MCU: variants seen among roughly 807,000 people sequenced by gnomAD.
MCU encodes the protein calcium uniporter protein, mitochondrial.
A neutral mutation model predicts 45.2 loss-of-function variants in MCU; 12 were observed. The observed-to-expected ratio is 0.27, with a 90% confidence interval of 0.17 to 0.43. The LOEUF is 0.43. Among genes scored for constraint, MCU ranks in the 20% least tolerant of loss-of-function variants. The probability of loss-of-function intolerance (pLI) is 1.00; values close to 1 mark genes in which losing one functional copy is unlikely to be tolerated. For synonymous variants in MCU, 160 were observed against 165.1 expected, an observed-to-expected ratio of 0.97 and a Z score of 0.24; for missense variants, 324 against 436.7, an observed-to-expected ratio of 0.74 and a Z score of 2.30.
intron 1 of MCU, among the ~76,000 whole-genome samples, chr10:72,701,826 C>G (rs1842762081): frequency 1.3e-5 from 2 of 152,032 alleles, no homozygotes; most frequent in Admixed American, 1.3e-4. Context: ...CCACCGTGCC[C>G]GGCCCCCACT....
At chr10:72,726,639 A>G (rs958423225) in intron 1 of MCU, among the ~76,000 whole-genome samples, 4 of 152,290 alleles carry the variant, frequency 2.6e-5, no homozygotes, top group African/African-American at 4.8e-5. Context: ...ATATTTAATG[A>G]TATAGGTTGA....
At chr10:72,749,092 A>G (rs1843457389) in intron 1 of MCU, among the ~76,000 whole-genome samples, 1 of 151,920 alleles carries the variant, frequency 6.6e-6, no homozygotes, top group Non-Finnish European at 1.5e-5. Flanking sequence ...ACATGGTGAA[A>G]TCTCATCTCT....
intron 1 of MCU, among the ~76,000 whole-genome samples, chr10:72,732,142 A>G (rs1843184857): frequency 6.6e-6 from 1 of 152,098 alleles, no homozygotes; most frequent in Non-Finnish European, 1.5e-5. Flanking sequence ...TAGCCGTCCT[A>G]CTGGATGTGA....
At chr10:72,813,572 C>A (rs1844579166) in intron 1 of MCU, among the ~76,000 whole-genome samples, 1 of 148,826 alleles carries the variant, frequency 6.7e-6, no homozygotes, top group East Asian at 2.0e-4. Flanking sequence ...GATTCTCCTG[C>A]CTCAGCCTCC....
At chr10:72,761,965 A>G (rs749691362) in intron 1 of MCU, among the ~76,000 whole-genome samples, 1 of 152,144 alleles carries the variant, frequency 6.6e-6, no homozygotes, top group African/African-American at 2.4e-5. Flanking sequence ...CAGTTCCAAG[A>G]TCTTTTAAGA....
At chr10:72,813,446 CTCTCT>C (rs1380505955) in intron 1 of MCU, among the ~76,000 whole-genome samples, 4 of 130,982 alleles carry the variant, frequency 3.1e-5, no homozygotes, top group African/African-American at 1.1e-4. Flanking sequence ...AATACCAGCT[CTCTCT>C]TTTTTTTTTT....
chr10:72,861,859 G>A (rs1845382189), intron 4 of MCU: 1 of 286,590 alleles, frequency 3.5e-6, no homozygotes, highest in Non-Finnish European at 6.8e-6. Context: ...AATGCATGAT[G>A]AACAAAATTT....
At chr10:72,877,616 C>T (rs1845636684) in intron 6 of MCU, among the ~76,000 whole-genome samples, 1 of 151,930 alleles carries the variant, frequency 6.6e-6, no homozygotes, top group Non-Finnish European at 1.5e-5. Context: ...AAACATAATA[C>T]ACATCTGTTT....
At chr10:72,858,303 G>A (rs1845324168) in intron 2 of MCU, among the ~76,000 whole-genome samples, 1 of 152,202 alleles carries the variant, frequency 6.6e-6, no homozygotes, top group African/African-American at 2.4e-5. Context: ...GGCTGCGTCA[G>A]CATGATCTGA....
At chr10:72,705,233 T>A (rs1006123931) in intron 1 of MCU, among the ~76,000 whole-genome samples, 3 of 152,168 alleles carry the variant, frequency 2.0e-5, no homozygotes, top group African/African-American at 7.2e-5. Flanking sequence ...AGGTTTGTTA[T>A]ATAGGTATAC....
intron 1 of MCU, among the ~76,000 whole-genome samples, chr10:72,753,026 C>A (rs1370439013): frequency 1.3e-5 from 2 of 152,084 alleles, no homozygotes; most frequent in African/African-American, 4.8e-5. Flanking sequence ...TATTGAGAGG[C>A]CCTAATTTAA....
At position 72,837,750 on chromosome 10, in the gene MCU, A is replaced by C. The variant is rs182796896; in HGVS notation, c.220+3322A>C. Among the ~76,000 whole-genome samples, 757 of 152,090 alleles carry C rather than the reference A, an allele frequency of 5.0e-3. 4 individuals are homozygous for C. The highest frequency in any genetic ancestry group is 0.017 in the African/African-American group (709 of 41,506). On this transcript the variant is annotated intron_variant, in intron 2 of 7. Transcript: ENST00000373053. Reference sequence around the variant, plus strand: ...TTAAAGCCTCCAGGGGTTTCCCTTCATGTTAGTGGAAGTTAAGGATGTGGA... The same window carrying C: ...TTAAAGCCTCCAGGGGTTTCCCTTCCTGTTAGTGGAAGTTAAGGATGTGGA...
At chr10:72,792,457 C>G (rs1040240397) in intron 1 of MCU, among the ~76,000 whole-genome samples, 4 of 152,062 alleles carry the variant, frequency 2.6e-5, no homozygotes, top group Admixed American at 2.6e-4. Context: ...CCCTCCAGGC[C>G]TCTCAGGAAG....
At chr10:72,801,362 T>C (rs1207670087) in intron 1 of MCU, among the ~76,000 whole-genome samples, 1 of 151,744 alleles carries the variant, frequency 6.6e-6, no homozygotes, top group Non-Finnish European at 1.5e-5. Flanking sequence ...TCTTTTTTTT[T>C]TTTTTTTTTG....
chr10:72,831,497 T>G (rs1443211344), intron 1 of MCU, among the ~76,000 whole-genome samples: 1 of 152,146 alleles, frequency 6.6e-6, no homozygotes, highest in Non-Finnish European at 1.5e-5. Context: ...ATAGGGTTGG[T>G]TTTTGTTTTG....
intron 1 of MCU, among the ~76,000 whole-genome samples, chr10:72,805,178 T>TCTTTCC (rs1844425661): frequency 5.0e-5 from 7 of 140,318 alleles, no homozygotes; most frequent in African/African-American, 2.2e-4. Flanking sequence ...TCTCTCTCTC[T>TCTTTCC]TTCCTTCCTT....
At chr10:72,821,272 A>G (rs1304507839) in intron 1 of MCU, among the ~76,000 whole-genome samples, 1 of 151,884 alleles carries the variant, frequency 6.6e-6, no homozygotes, top group East Asian at 1.9e-4. Context: ...GCCTGCATGA[A>G]GTACGAGGAT....
At chr10:72,749,579 G>A (rs1348006221) in intron 1 of MCU, among the ~76,000 whole-genome samples, 1 of 152,030 alleles carries the variant, frequency 6.6e-6, no homozygotes, top group Non-Finnish European at 1.5e-5. Flanking sequence ...TGATAGATAA[G>A]GATTAAAAGT....
Position 72,740,701 on chromosome 10 carries a change from G to A in MCU, c.150+48400G>A, listed in dbSNP as rs377106420. Reference sequence around the variant, plus strand: ...GTCGTAAGAGCTAATGTAGTACAAGGGTTGAGTTCAAACCAGCAGGTGCTA... The same window carrying A: ...GTCGTAAGAGCTAATGTAGTACAAGAGTTGAGTTCAAACCAGCAGGTGCTA... On this transcript the variant is annotated intron_variant, in intron 1 of 7. Transcript: ENST00000373053. 5.4e-4 allele frequency among the ~76,000 whole-genome samples: 83 copies of A among 152,318 alleles called. 2 individuals carry two copies. In the South Asian group the frequency reaches 0.017, roughly 31 times the overall value.
Sources: gnomAD v4.1 joint callset for allele counts (sites outside exome capture counted in the v4.1 genomes callset) on GRCh38, gnomAD v4.1.1 for gene constraint, MANE v1.5 for transcripts, NCBI Gene and HGNC (gene_info 2026-07-23, HGNC 2026-07-21) for gene names.